SYNC: variants seen among roughly 807,000 people sequenced by gnomAD.
SYNC encodes syncoilin.
In SYNC, 38 loss-of-function variants were observed where a neutral mutation model predicts 49.5. The ratio of observed to expected loss-of-function variants is 0.77; its 90% CI spans 0.59 to 1.01. The LOEUF (loss-of-function observed/expected upper bound fraction) is 1.01. Among genes scored for constraint, SYNC ranks in the 50% least tolerant of loss-of-function variants. The probability of loss-of-function intolerance (pLI) is 0.00; values close to 1 mark genes in which losing one functional copy is unlikely to be tolerated. For synonymous variants in SYNC, 201 were observed against 230.8 expected, an observed-to-expected ratio of 0.87 and a Z score of 1.17; for missense variants, 579 against 580.6, an observed-to-expected ratio of 1.00 and a Z score of 0.03.
intron 4 of SYNC, chr1:32,683,294 CTG>C (rs1165899389): frequency 2.0e-5 from 3 of 149,134 alleles, no homozygotes; most frequent in East Asian, 3.9e-4. Flanking sequence ...AAGAGTAAGT[CTG>C]TGTAACATGA....
chr1:32,680,357 GTTTTTTTTT>G lies in SYNC; in HGVS notation c.*1484_*1492del. On this transcript the variant is annotated 3_prime_UTR_variant, in exon 5 of 5. Coordinates refer to ENST00000409190, the MANE Select transcript of SYNC (RefSeq NM_030786.3). ...AATGGTGTTTTTTTTTTTGTTGTTG[GTTTTTTTTT>G]TTTTTTTTTTAACTTGGGACCACCA... 1.0e-6 allele frequency: 1 copy of G among 988,194 alleles called. No individual in the cohort carries two copies. 61.2% of individuals were successfully genotyped at this position (988,194 alleles called of 1,614,324 possible).
chr1:32,684,298 G>C lies in SYNC; in HGVS notation c.1318C>G (p.Gln440Glu). The C allele has an allele frequency of 1.2e-6, 2 of 1,614,162 alleles. No individual in the cohort carries two copies. Among genetic ancestry groups the C allele is most frequent in the Non-Finnish European group, 1.7e-6 (2 of 1,180,038 alleles). ...LQQQKNKEME[Q>E]LRLSLAEELS... is the part of the protein sequence containing the mutation. Reference sequence around the variant, plus strand: ...TCTTCAGCAAGACTGAGCCTTAGCTGTTCCATCTCTTTGTTCTTCTGTTGC... The same window carrying C: ...TCTTCAGCAAGACTGAGCCTTAGCTCTTCCATCTCTTTGTTCTTCTGTTGC... The change falls in exon 3 of 5, where the codon CAG becomes GAG. Residue 440 changes from glutamine to glutamate, a missense_variant. Gln to Glu is a conservative substitution (Grantham distance 29). Coordinates refer to ENST00000409190, the MANE Select transcript of SYNC (RefSeq NM_030786.3).
intron 2 of SYNC, among the ~76,000 whole-genome samples, chr1:32,687,858 A>ATTATTATTATTATTATTATTATT (rs1399978940): frequency 6.9e-6 from 1 of 144,084 alleles, no homozygotes; most frequent in East Asian, 2.0e-4. Flanking sequence ...TATTATTATT[A>ATTATTATTATTATTATTATTATT]TTATTTTTTG....
At chr1:32,690,828 T>C (rs1650124061) in intron 2 of SYNC, among the ~76,000 whole-genome samples, 1 of 151,982 alleles carries the variant, frequency 6.6e-6, no homozygotes, top group African/African-American at 2.4e-5. Context: ...GACTCATGCC[T>C]GTAATCCCAG....
chr1:32,691,414 A>G (rs1238838160), intron 2 of SYNC, among the ~76,000 whole-genome samples: 3 of 151,100 alleles, frequency 2.0e-5, no homozygotes, highest in Non-Finnish European at 4.4e-5. Context: ...AGCCACGTCC[A>G]TGGTGTTAGG....
chr1:32,681,357 TA>T lies in SYNC; in HGVS notation c.*492del, dbSNP rs199625101. ...ATCCTTGAACAAAAAGTAGACTTTGTAAAAGTATTCATTTAAATTCTAACAC... is the reference window on the plus strand; with the variant it reads ...ATCCTTGAACAAAAAGTAGACTTTGTAAAGTATTCATTTAAATTCTAACAC... On this transcript the variant is annotated 3_prime_UTR_variant, in exon 5 of 5. Coordinates refer to ENST00000409190, the MANE Select transcript of SYNC (RefSeq NM_030786.3). 772 of 157,826 alleles carry T rather than the reference TA, an allele frequency of 4.9e-3. 29 individuals carry two copies. The highest frequency in any genetic ancestry group is 0.045 in the Admixed American group (703 of 15,766). 9.8% of individuals were successfully genotyped at this position (157,826 alleles called of 1,614,324 possible). A position where few individuals can be genotyped will look rare whatever the true frequency, so the allele number is the denominator to read the frequency against.
At position 32,684,453 on chromosome 1, in the gene SYNC, T is replaced by C. The variant is rs578045216; in HGVS notation, c.1234-71A>G. On this transcript the variant is annotated intron_variant, in intron 2 of 4. Coordinates refer to ENST00000409190, the MANE Select transcript of SYNC (RefSeq NM_030786.3). ...AACTCACATTGTCCACTCTTACTTA[T>C]AAAACACTTTTTTGTTCATTGTTTA... The C allele has an allele frequency of 1.2e-5, 20 of 1,602,238 alleles. No homozygotes were observed. In the African/African-American group the frequency reaches 1.3e-4, roughly 11 times the overall value.
intron 2 of SYNC, among the ~76,000 whole-genome samples, chr1:32,694,664 A>C (rs1320185670): frequency 8.5e-5 from 13 of 152,174 alleles, no homozygotes; most frequent in African/African-American, 1.7e-4. Context: ...AAAAAAAAAA[A>C]AACAAAAAAC....
Position 32,695,389 on chromosome 1 carries a change from C to G in SYNC, c.709G>C (p.Glu237Gln). ...QAELERDGLR[E>Q]EIRLVKQKLF... ...TTCTGCTTGACCAGCCGGATCTCCT[C>G]CCTTAGGCCATCTCTCTCCAGCTCT... The change falls in exon 2 of 5, where the codon GAG becomes CAG. Residue 237 changes from glutamate (E) to glutamine (Q), a missense_variant. Coordinates refer to ENST00000409190, the MANE Select transcript of SYNC (RefSeq NM_030786.3). 2 of 1,551,764 alleles carry G rather than the reference C, an allele frequency of 1.3e-6. No individual in the cohort carries two copies. Among genetic ancestry groups the G allele is most frequent in the Non-Finnish European group, 1.7e-6 (2 of 1,147,052 alleles).
intron 2 of SYNC, among the ~76,000 whole-genome samples, chr1:32,687,660 G>C (rs927200299): frequency 4.3e-5 from 5 of 116,272 alleles, no homozygotes; most frequent in African/African-American, 1.2e-4. Context: ...GACAGAGCGA[G>C]GCTCCGTCTC....
rs544361231 is a variant in SYNC, at chr1:32,695,780, T to C, written c.318A>G (p.Thr106=). ...HVEEPGNPEE[T]VCVEETTEPD... is the part of the protein sequence containing the mutation. The stretch of plus-strand genomic sequence containing the variant: ...GCTCCGTGGTTTCCTCCACACACAC[T>C]GTCTCCTCTGGATTCCCAGGCTCCT... The change falls in exon 2 of 5, where the codon ACA becomes ACG. Residue 106 remains threonine (T), a synonymous_variant. Coordinates refer to ENST00000409190, the MANE Select transcript of SYNC (RefSeq NM_030786.3). 3.0e-5 allele frequency: 47 copies of C among 1,551,516 alleles called. 1 individual carries two copies. In the South Asian group the frequency reaches 4.8e-4, roughly 16 times the overall value.
Position 32,702,611 on chromosome 1 carries a change from G to T in SYNC, c.50C>A (p.Ala17Glu). 8.2e-7 allele frequency: 1 copy of T among 1,224,734 alleles called. No individual in the cohort carries two copies. The highest frequency in any genetic ancestry group is 1.0e-6 in the Non-Finnish European group (1 of 983,560). 75.9% of individuals were successfully genotyped at this position (1,224,734 alleles called of 1,614,324 possible). ...RRGGDGAAQA[A>E]RKTRVEANSP... ...CGCGGGCCCGGCACTGTCCTACCTCGCGGCCTGGGCGGCGCCGTCCCCGCC... is the reference window on the plus strand; with the variant it reads ...CGCGGGCCCGGCACTGTCCTACCTCTCGGCCTGGGCGGCGCCGTCCCCGCC... Residue 17 changes from alanine (A) to glutamate (E), a missense_variant, in exon 1 of 5, where the codon GCG (alanine) becomes GAG (glutamate). Physicochemically the swap from Ala to Glu is moderately radical, Grantham distance 107. Transcript: ENST00000409190. The surrounding 1 kb of genome is among the most constrained non-coding windows in gnomAD (Gnocchi z 6.2).
chr1:32,688,224 A>G (rs1200698345), intron 2 of SYNC, among the ~76,000 whole-genome samples: 2 of 152,152 alleles, frequency 1.3e-5, no homozygotes, highest in Non-Finnish European at 2.9e-5. Context: ...TCCTCGCTCC[A>G]TCACTCTCAA....
Position 32,702,539 on chromosome 1 carries a change from G to A in SYNC, c.53+69C>T, listed in dbSNP as rs1461893476. 4 of 1,199,378 alleles carry A rather than the reference G, an allele frequency of 3.3e-6. No homozygotes were observed. Among genetic ancestry groups the A allele is most frequent in the East Asian group, 3.3e-5 (1 of 30,000 alleles). 74.3% of individuals were successfully genotyped at this position (1,199,378 alleles called of 1,614,324 possible). A position where few individuals can be genotyped will look rare whatever the true frequency, so the allele number is the denominator to read the frequency against. On this transcript the variant is annotated intron_variant, in intron 1 of 4. Coordinates refer to ENST00000409190, the MANE Select transcript of SYNC (RefSeq NM_030786.3). The surrounding 1 kb of genome is among the most constrained non-coding windows in gnomAD (Gnocchi z 6.2). ...AGGCGAAAGACGCCCGCGGTCGGGG[G>A]GAAAGGGAACCCGTCCAGCAGCACC...
chr1:32,695,511 A>G lies in SYNC; in HGVS notation c.587T>C (p.Leu196Pro). The G allele has an allele frequency of 6.4e-7, 1 of 1,551,272 alleles. No homozygotes were observed. Among genetic ancestry groups the G allele is most frequent in the South Asian group, 1.2e-5 (1 of 84,022 alleles). The change falls in exon 2 of 5, where the codon CTC (leucine) becomes CCC (proline). Residue 196 changes from leucine (L) to proline (P), a missense_variant. Leu to Pro is a moderately conservative substitution (Grantham distance 98). Transcript: ENST00000409190. ...CCGGAGCAATACAAGCTCATGGATG[A>G]GCTGATCCCTCTCCTCTTCCAGCTG... ...VAQLEEERDQ[L>P]IHELVLLREP...
rs1024989630 is a variant in SYNC at position 32,680,460 on chromosome 1, A to G, written c.*1390T>C. ...TAGACTGTCAAGTTGAGAAGAGTGA[A>G]TCAATAACTTGTATTTGTTTTAAAA... On this transcript the variant is annotated 3_prime_UTR_variant, in exon 5 of 5. Coordinates refer to ENST00000409190, the MANE Select transcript of SYNC (RefSeq NM_030786.3). 4.6e-6 allele frequency: 7 copies of G among 1,531,472 alleles called. No homozygotes were observed. In the African/African-American group the frequency reaches 9.8e-5, roughly 21 times the overall value. 94.9% of individuals were successfully genotyped at this position (1,531,472 alleles called of 1,614,324 possible). A position where few individuals can be genotyped will look rare whatever the true frequency, so the allele number is the denominator to read the frequency against.
rs2148566913 is a variant in SYNC, at chr1:32,702,621, C to G, written c.40G>C (p.Ala14Pro). 1 of 1,191,902 alleles carries G rather than the reference C, an allele frequency of 8.4e-7. No individual in the cohort carries two copies. Among genetic ancestry groups the G allele is most frequent in the East Asian group, 3.7e-5 (1 of 27,390 alleles). 73.8% of individuals were successfully genotyped at this position (1,191,902 alleles called of 1,614,324 possible). The change falls in exon 1 of 5, where the codon GCC becomes CCC. Residue 14 changes from alanine to proline, a missense_variant. Ala to Pro is a conservative substitution (Grantham distance 27). Coordinates refer to ENST00000409190, the MANE Select transcript of SYNC (RefSeq NM_030786.3). This position sits in a 1 kb window ranked among gnomAD's most constrained non-coding sequence, Gnocchi z 6.2. ...PEPRRGGDGA[A>P]QAARKTRVEA... ...GCACTGTCCTACCTCGCGGCCTGGG[C>G]GGCGCCGTCCCCGCCGCGCCGGGGC...
intron 2 of SYNC, among the ~76,000 whole-genome samples, chr1:32,690,439 G>A (rs573933959): frequency 1.3e-5 from 2 of 152,000 alleles, no homozygotes; most frequent in South Asian, 4.2e-4. Flanking sequence ...GAGGTCAGGA[G>A]TTGGAGACCA....
chr1:32,684,511 A>G (rs1649682742), intron 2 of SYNC, 129 bp from the exon 3 acceptor site: 2 of 1,317,396 alleles, frequency 1.5e-6, no homozygotes, highest in Admixed American at 5.0e-5. Context: ...TGGTATTTAT[A>G]TGATAGGTTA....
Sources: gnomAD v4.1 joint callset for allele counts (sites outside exome capture counted in the v4.1 genomes callset) on GRCh38, gnomAD v4.1.1 for gene constraint, Gnocchi (gnomAD v3.1) non-coding constraint, MANE v1.5 for transcripts, NCBI Gene and HGNC (gene_info 2026-07-23, HGNC 2026-07-21) for gene names.